SCIN: variants seen among roughly 807,000 people sequenced by gnomAD.
The protein encoded by SCIN is scinderin, also known as adseverin.
Under a neutral mutation model 91.8 loss-of-function variants are expected in SCIN, and 91 were observed. That is an observed-to-expected ratio of 0.99 (90% CI 0.84 to 1.18). The LOEUF is 1.18. SCIN is among the 50% of genes most tolerant of loss of function. The pLI, the probability that SCIN is intolerant of heterozygous loss-of-function variation, is 0.00. For synonymous variants in SCIN, 367 were observed against 312.6 expected, an observed-to-expected ratio of 1.17 and a Z score of -1.84; for missense variants, 1,087 against 863.9, an observed-to-expected ratio of 1.26 and a Z score of -3.24.
chr7:12,637,320 C>A (rs576266057), intron 10 of SCIN, among the ~76,000 whole-genome samples: 2 of 152,134 alleles, frequency 1.3e-5, no homozygotes, highest in Non-Finnish European at 2.9e-5. Context: ...ATGTTTTGCA[C>A]AAGTAAACAG....
chr7:12,621,098 G>A (rs1783398385), intron 4 of SCIN, among the ~76,000 whole-genome samples: 1 of 152,118 alleles, frequency 6.6e-6, no homozygotes, highest in Non-Finnish European at 1.5e-5. Context: ...AGATCAAAAT[G>A]TATGGCCTAG....
intron 2 of SCIN, 123 bp from the exon 3 acceptor site, chr7:12,580,937 T>C (rs958520672): frequency 1.4e-5 from 13 of 926,702 alleles, no homozygotes; most frequent in Non-Finnish European, 2.0e-5. Flanking sequence ...TATTTTAACT[T>C]GGCCTGACAG....
At chr7:12,626,426 T>C (rs1005401483) in intron 7 of SCIN, 158 bp from the exon 8 acceptor site, 1 of 585,860 alleles carries the variant, frequency 1.7e-6, no homozygotes, top group African/African-American at 1.9e-5. Context: ...CAGCGGCAAT[T>C]ACTTTAGTTG....
At chr7:12,574,248 G>T (rs1782325008) in intron 1 of SCIN, among the ~76,000 whole-genome samples, 1 of 152,078 alleles carries the variant, frequency 6.6e-6, no homozygotes, top group Non-Finnish European at 1.5e-5. Context: ...ACAACAACTT[G>T]GATGAAGCTC....
intron 13 of SCIN, 38 bp downstream of exon 13, chr7:12,644,743 C>T (rs375701213): frequency 1.8e-5 from 27 of 1,540,648 alleles, no homozygotes; most frequent in African/African-American, 1.2e-4. Flanking sequence ...GGGCTGGTTG[C>T]GGTGGCTCAT....
At position 12,604,633 on chromosome 7, in the gene SCIN, A is replaced by G; in HGVS notation, c.636A>G (p.Glu212=). ...GAAGGTCTGAACTAATTGTCGTGGA[A>G]GAAGGAAGTGAACCCTCAGAACTTA... ...RKGRSELIVV[E]EGSEPSELIK... is the part of the protein sequence containing the mutation. Residue 212 remains glutamate, a synonymous_variant, in exon 4 of 16, where the codon GAA becomes GAG. Coordinates refer to ENST00000297029, the MANE Select transcript of SCIN (RefSeq NM_001112706.3). 1 of 1,552,214 alleles carries G rather than the reference A, an allele frequency of 6.4e-7. No homozygotes were observed. The highest frequency in any genetic ancestry group is 2.4e-5 in the East Asian group (1 of 40,922).
Position 12,598,789 on chromosome 7 carries a change from G to GTCCT in SCIN, c.517-5724_517-5721dup, listed in dbSNP as rs541826546. Among the ~76,000 whole-genome samples the GTCCT allele has an allele frequency of 4.4e-3, 676 of 152,162 alleles. 6 individuals carry two copies. The highest frequency in any genetic ancestry group is 0.016 in the African/African-American group (644 of 41,520). ...CTAGGCGTGGTGGCACATAGCTGTA[G>GTCCT]TCCTACCTACTCAGAAGGCTGAGGC... On this transcript the variant is annotated intron_variant, in intron 3 of 15. Coordinates refer to ENST00000297029, the MANE Select transcript of SCIN (RefSeq NM_001112706.3).
rs141951962 is a variant in SCIN at position 12,629,544 on chromosome 7, G to C, written c.1319+322G>C. 1.6e-4 allele frequency among the ~76,000 whole-genome samples: 24 copies of C among 152,152 alleles called. No homozygotes were observed. The East Asian group carries it at 4.6e-3, about 29-fold the overall frequency. ...GTTAACACTGCAACAGCAAGTGTCA[G>C]GTACCATGGTTTCTTATGGTTAAAA... On this transcript the variant is annotated intron_variant, in intron 9 of 15. Transcript: ENST00000297029.
chr7:12,582,111 T>C (rs1039939427), intron 3 of SCIN, among the ~76,000 whole-genome samples: 3 of 152,240 alleles, frequency 2.0e-5, no homozygotes, highest in Non-Finnish European at 4.4e-5. Context: ...CTGACCTGCA[T>C]TGCTTCAGTT....
chr7:12,636,989 A>G (rs1583316415), intron 10 of SCIN, among the ~76,000 whole-genome samples: 1 of 152,162 alleles, frequency 6.6e-6, no homozygotes, highest in Non-Finnish European at 1.5e-5. Flanking sequence ...CAGAAAAAGC[A>G]AGGAATAGAT....
At chr7:12,647,350 T>A (rs561048491) in intron 13 of SCIN, among the ~76,000 whole-genome samples, 125 of 146,568 alleles carry the variant, frequency 8.5e-4, no homozygotes, top group African/African-American at 3.0e-3. Flanking sequence ...GATCTTATAA[T>A]TACTATCAGA....
chr7:12,631,972 G>A (rs1465501293), intron 9 of SCIN, among the ~76,000 whole-genome samples: 1 of 152,050 alleles, frequency 6.6e-6, no homozygotes, highest in Non-Finnish European at 1.5e-5. Context: ...GAAATTAGAA[G>A]GAGCCAAATT....
chr7:12,588,256 T>G (rs1304335973), intron 3 of SCIN, among the ~76,000 whole-genome samples: 1 of 152,226 alleles, frequency 6.6e-6, no homozygotes, highest in Non-Finnish European at 1.5e-5. Flanking sequence ...GCATTTATTC[T>G]GTGCCTAGTG....
At chr7:12,652,019 A>G in intron 15 of SCIN, 118 bp downstream of exon 15, 1 of 657,584 alleles carries the variant, frequency 1.5e-6, no homozygotes. Context: ...GAAGTAGCTT[A>G]GCATTCCTCC....
intron 3 of SCIN, among the ~76,000 whole-genome samples, chr7:12,596,027 A>G (rs1040167680): frequency 5.3e-5 from 8 of 152,156 alleles, no homozygotes; most frequent in Admixed American, 1.3e-4. Context: ...GTTTATTTTT[A>G]AAGAGCTTAG....
At chr7:12,638,541 A>C (rs577536415) in intron 10 of SCIN, among the ~76,000 whole-genome samples, 1 of 152,312 alleles carries the variant, frequency 6.6e-6, no homozygotes, top group East Asian at 1.9e-4. Flanking sequence ...ATGTCAAGGG[A>C]GCTAAGACTC....
rs1562640961 is a variant in SCIN, at chr7:12,654,637, TA to T, written c.*1925del. On this transcript the variant is annotated 3_prime_UTR_variant, in exon 16 of 16. Coordinates refer to ENST00000297029, the MANE Select transcript of SCIN (RefSeq NM_001112706.3). ...AAGTAGTACTTTTTCACAAAATTAG[TA>T]AAGGTCAAGGTGAGTGGCTTAGGGT... is the stretch of plus-strand genomic sequence containing the variant. The T allele has an allele frequency of 6.6e-6, 1 of 152,182 alleles. No homozygotes were observed. Among genetic ancestry groups the T allele is most frequent in the Non-Finnish European group, 1.5e-5 (1 of 68,032 alleles). 9.4% of individuals were successfully genotyped at this position (152,182 alleles called of 1,614,324 possible). A position where few individuals can be genotyped will look rare whatever the true frequency, so the allele number is the denominator to read the frequency against.
rs116532633 is a variant in SCIN at position 12,581,165 on chromosome 7, C to G, written c.460C>G (p.Pro154Ala). Reference protein sequence around the residue: ...GRRVVRATEVPLSWDSFNKGD... With the variant: ...GRRVVRATEVALSWDSFNKGD... Reference sequence around the variant, plus strand: ...TAGAGTGGTGAGAGCCACAGAAGTTCCCCTTAGCTGGGACAGTTTCAACAA... The same window carrying G: ...TAGAGTGGTGAGAGCCACAGAAGTTGCCCTTAGCTGGGACAGTTTCAACAA... The change falls in exon 3 of 16, where the codon CCC (proline) becomes GCC (alanine). Residue 154 changes from proline to alanine, a missense_variant. Transcript: ENST00000297029. 3,444 of 1,551,464 alleles carry G rather than the reference C, an allele frequency of 2.2e-3. 76 individuals carry two copies. The African/African-American group carries it at 0.042, about 19-fold the overall frequency.
At chr7:12,626,885 T>C in intron 8 of SCIN, 86 bp downstream of exon 8, 2 of 1,206,510 alleles carry the variant, frequency 1.7e-6, no homozygotes, top group Non-Finnish European at 2.3e-6. Context: ...AGGACAGGAG[T>C]TCGAGATCAG....
Sources: allele counts gnomAD v4.1 joint callset (sites outside exome capture counted in the v4.1 genomes callset), GRCh38; gene constraint gnomAD v4.1.1; transcripts MANE v1.5; gene names NCBI Gene and HGNC (gene_info 2026-07-23, HGNC 2026-07-21).